Variants in FUT8 observed in about 807,000 individuals in gnomAD.
FUT8 encodes the protein fucosyltransferase 8.
A neutral mutation model predicts 71.3 loss-of-function variants in FUT8; 29 were observed. The ratio of observed to expected loss-of-function variants is 0.41; its 90% CI spans 0.30 to 0.55. FUT8 has a LOEUF of 0.55. FUT8 is among the 20% of genes least tolerant of loss of function. The pLI is 0.34. For missense variants in FUT8, 544 were observed against 702.1 expected (o/e 0.77, Z 2.55); for synonymous variants, 254 against 239.3 (o/e 1.06, Z -0.57).
chr14:65,671,389 T>G (rs1892470667), intron 7 of FUT8, among the ~76,000 whole-genome samples: 2 of 152,162 alleles, frequency 1.3e-5, no homozygotes, highest in South Asian at 4.1e-4. Flanking sequence ...CACTCAGAAT[T>G]TCTTAATGTT....
At chr14:65,497,216 G>A (rs2066572789) in intron 2 of FUT8, among the ~76,000 whole-genome samples, 1 of 152,152 alleles carries the variant, frequency 6.6e-6, no homozygotes, top group African/African-American at 2.4e-5. Context: ...TTAATCAGAA[G>A]TTGATGTTCC....
At chr14:65,702,551 C>T (rs1340918190) in intron 7 of FUT8, among the ~76,000 whole-genome samples, 1 of 152,012 alleles carries the variant, frequency 6.6e-6, no homozygotes, top group Non-Finnish European at 1.5e-5. Flanking sequence ...TAGCATGGCT[C>T]ATTGAGAAAA....
chr14:65,452,521 G>C (rs1196865074), intron 1 of FUT8, among the ~76,000 whole-genome samples: 1 of 152,218 alleles, frequency 6.6e-6, no homozygotes, highest in African/African-American at 2.4e-5. Flanking sequence ...GTATTGAAGA[G>C]GTAGAGCTAG....
At chr14:65,516,908 C>T (rs1416000778) in intron 2 of FUT8, among the ~76,000 whole-genome samples, 1 of 151,038 alleles carries the variant, frequency 6.6e-6, no homozygotes, top group African/African-American at 2.4e-5. Context: ...CACTATTCTA[C>T]TTTCTCTCTC....
At chr14:65,629,732 A>G (rs906100038) in intron 6 of FUT8, 126 bp downstream of exon 6, 17 of 648,168 alleles carry the variant, frequency 2.6e-5, no homozygotes, top group Non-Finnish European at 3.8e-5. Flanking sequence ...CACATTTTAC[A>G]TATTTATTCA....
chr14:65,538,664 A>C (rs1303207647), intron 2 of FUT8, among the ~76,000 whole-genome samples: 3 of 152,232 alleles, frequency 2.0e-5, no homozygotes, highest in Non-Finnish European at 4.4e-5. Context: ...TCACGCCTGT[A>C]ATCCCAGTAG....
At chr14:65,388,342 G>A in the FUT8 span, among the ~76,000 whole-genome samples, 1 of 152,162 alleles carries the variant, frequency 6.6e-6, no homozygotes, top group Admixed American at 6.5e-5. Flanking sequence ...TTGGGCCTAA[G>A]CAAACTGTAT....
chr14:65,633,144 G>C (rs905578036), intron 6 of FUT8, among the ~76,000 whole-genome samples: 4 of 151,530 alleles, frequency 2.6e-5, no homozygotes, highest in Non-Finnish European at 4.4e-5. Context: ...TCAGCCTGCC[G>C]AGTGCCTGCG....
chr14:65,621,281 C>T (rs962679455), intron 5 of FUT8, among the ~76,000 whole-genome samples: 6 of 151,484 alleles, frequency 4.0e-5, no homozygotes, highest in East Asian at 1.9e-4. Flanking sequence ...GACAGAGTCT[C>T]GCTCTGTTGC....
intron 2 of FUT8, among the ~76,000 whole-genome samples, chr14:65,498,479 A>G (rs2066594291): frequency 5.9e-5 from 9 of 152,064 alleles, no homozygotes; most frequent in Admixed American, 5.9e-4. Flanking sequence ...TTGTTGTGTC[A>G]TTGTTAATTA....
rs1046353167 is a variant in FUT8, at chr14:65,550,694, C to A, written c.-227-10643C>A. On this transcript the variant is annotated intron_variant, in intron 2 of 10. Coordinates refer to ENST00000673929, the MANE Select transcript of FUT8 (RefSeq NM_001371533.1). This position sits in a 1 kb window ranked among gnomAD's most constrained non-coding sequence, Gnocchi z 4.5. ...TTCTTTTAAATCCTAGCACATATTT[C>A]GATACTTGTTTCAGCGCTCTTGTCT... Among the ~76,000 whole-genome samples the A allele has an allele frequency of 6.6e-6, 1 of 151,990 alleles. No homozygotes were observed. Among genetic ancestry groups the A allele is most frequent in the Non-Finnish European group, 1.5e-5 (1 of 67,978 alleles).
chr14:65,741,225 T>C (rs982479498), intron 10 of FUT8, among the ~76,000 whole-genome samples: 1 of 151,924 alleles, frequency 6.6e-6, no homozygotes, highest in Non-Finnish European at 1.5e-5. Context: ...CATAGGGACC[T>C]TTTAAGTAGC....
rs35174023 is a variant in FUT8 at position 65,575,582 on chromosome 14, T to TCCTTCTTTC, written c.203+13817_203+13818insCTTCTTTCC. Among the ~76,000 whole-genome samples, 162 of 72,774 alleles carry TCCTTCTTTC rather than the reference T, an allele frequency of 2.2e-3. 2 individuals carry two copies. Among genetic ancestry groups the TCCTTCTTTC allele is most frequent in the African/African-American group, 7.2e-3 (157 of 21,868 alleles). The allele number at this position is 72,774 out of a possible 152,430, so 47.7% of individuals were successfully genotyped here. On this transcript the variant is annotated intron_variant, in intron 3 of 10. Transcript: ENST00000673929. ...TCCCTCCCTTCTTTCCTTCCTTCCT[T>TCCTTCTTTC]CTTCCTTCCTTCCTTCCTTCCTTCC...
At chr14:65,576,696 C>CTTTTTT (rs376473739) in intron 3 of FUT8, among the ~76,000 whole-genome samples, 22 of 96,204 alleles carry the variant, frequency 2.3e-4, no homozygotes, top group African/African-American at 8.2e-4. Context: ...GCCCAGCTTG[C>CTTTTTT]TTTTTTTTTT....
At chr14:65,455,048 A>G (rs997644788) in intron 1 of FUT8, among the ~76,000 whole-genome samples, 2 of 152,208 alleles carry the variant, frequency 1.3e-5, no homozygotes, top group Non-Finnish European at 2.9e-5. Context: ...GTTGATGGAT[A>G]TGCATTGATT....
At chr14:65,719,263 C>A (rs1237047904) in intron 7 of FUT8, among the ~76,000 whole-genome samples, 1 of 152,036 alleles carries the variant, frequency 6.6e-6, no homozygotes, top group Non-Finnish European at 1.5e-5. Context: ...AGTATGTCAG[C>A]TGCATTTTTC....
intron 10 of FUT8, among the ~76,000 whole-genome samples, chr14:65,741,371 G>T (rs1009244153): frequency 6.6e-6 from 1 of 151,976 alleles, no homozygotes; most frequent in Non-Finnish European, 1.5e-5. Context: ...TAGCTCACTT[G>T]CCAGTGCTTG....
chr14:65,730,749 G>T (rs543790484), intron 9 of FUT8, among the ~76,000 whole-genome samples: 3 of 152,262 alleles, frequency 2.0e-5, no homozygotes, highest in Admixed American at 1.3e-4. Flanking sequence ...CTATTGTGGC[G>T]ATCTCTTAAG....
chr14:65,363,025 AAG>A, the FUT8 span, among the ~76,000 whole-genome samples: 2 of 151,216 alleles, frequency 1.3e-5, no homozygotes, highest in Admixed American at 6.6e-5. Flanking sequence ...CAAAAAAAAA[AAG>A]AACTTCTGGA....
Sources: gnomAD v4.1 joint callset for allele counts (sites outside exome capture counted in the v4.1 genomes callset) on GRCh38, gnomAD v4.1.1 for gene constraint, Gnocchi (gnomAD v3.1) non-coding constraint, MANE v1.5 for transcripts, NCBI Gene and HGNC (gene_info 2026-07-23, HGNC 2026-07-21) for gene names.